The following RABGAP1 variants were observed in gnomAD, a reference collection of about 807,000 sequenced individuals.
The protein encoded by RABGAP1 is RAB GTPase activating protein 1, also known as rab GTPase-activating protein 1.
Under a neutral mutation model 137.6 loss-of-function variants are expected in RABGAP1, and 23 were observed. That is an observed-to-expected ratio of 0.17 (90% CI 0.12 to 0.24). The LOEUF (loss-of-function observed/expected upper bound fraction) is 0.24, where lower values mean the gene tolerates loss of function less well. Ranked by LOEUF, RABGAP1 falls within the 10% of genes least tolerant of loss-of-function variation. The pLI is 1.00. For missense variants in RABGAP1, 906 were observed against 1,275.8 expected (o/e 0.71, Z 4.42); for synonymous variants, 451 against 450.7 (o/e 1.00, Z -0.01).
chr9:123,096,305 A>AAG (rs1263193033), intron 21 of RABGAP1, among the ~76,000 whole-genome samples: 1 of 152,234 alleles, frequency 6.6e-6, no homozygotes, highest in East Asian at 1.9e-4. Flanking sequence ...ATAATGATAA[A>AAG]AGAGTCACTC....
At chr9:123,065,695 T>A (rs2034147097) in intron 14 of RABGAP1, 1 of 449,816 alleles carries the variant, frequency 2.2e-6, no homozygotes, top group Admixed American at 3.5e-5. Flanking sequence ...GATTTTTAGA[T>A]GACAGTTCCC....
intron 10 of RABGAP1, among the ~76,000 whole-genome samples, chr9:123,004,883 C>G (rs2030070964): frequency 6.6e-6 from 1 of 151,458 alleles, no homozygotes; most frequent in Non-Finnish European, 1.5e-5. Context: ...ATGGCGAAAC[C>G]CTGTCTCTAT....
intron 2 of RABGAP1, among the ~76,000 whole-genome samples, chr9:122,977,579 G>A (rs1438783835): frequency 6.6e-6 from 1 of 152,202 alleles, no homozygotes; most frequent in Non-Finnish European, 1.5e-5. Flanking sequence ...GATGGCGCAT[G>A]CCTGTAATCT....
chr9:123,012,967 A>G (rs547111434), intron 11 of RABGAP1, among the ~76,000 whole-genome samples: 49 of 152,180 alleles, frequency 3.2e-4, no homozygotes, highest in Non-Finnish European at 4.7e-4. Flanking sequence ...CCCATAAGAC[A>G]TTTGGCAGAA....
At chr9:123,044,923 A>G (rs1258078236) in intron 13 of RABGAP1, among the ~76,000 whole-genome samples, 1 of 152,182 alleles carries the variant, frequency 6.6e-6, no homozygotes, top group Non-Finnish European at 1.5e-5. Context: ...AAGGAACCCA[A>G]AGGATCAACA....
chr9:123,010,598 G>A, intron 11 of RABGAP1, 70 bp downstream of exon 11: 1 of 1,398,920 alleles, frequency 7.1e-7, no homozygotes, highest in Non-Finnish European at 9.9e-7. Flanking sequence ...AATCGTATCA[G>A]GGGATTGATA....
At chr9:122,981,674 G>T (rs1836063841) in intron 2 of RABGAP1, among the ~76,000 whole-genome samples, 2 of 152,180 alleles carry the variant, frequency 1.3e-5, no homozygotes, top group South Asian at 4.1e-4. Flanking sequence ...TCAGAACCTT[G>T]AAAGGCACTG....
rs1835809703 is a variant in RABGAP1, at chr9:122,977,249, G to A, written c.151-7236G>A. Among the ~76,000 whole-genome samples the A allele has an allele frequency of 2.0e-5, 3 of 152,184 alleles. No individual in the cohort carries two copies. In the South Asian group the frequency reaches 6.2e-4, roughly 31 times the overall value. On this transcript the variant is annotated intron_variant, in intron 2 of 25. Coordinates refer to ENST00000373647, the MANE Select transcript of RABGAP1 (RefSeq NM_012197.4). Reference sequence around the variant, plus strand: ...CAGTAGGCTTACGTAAAATGAAAGAGGTTGTCCTAAGGTATTAGCTATGCA... The same window carrying A: ...CAGTAGGCTTACGTAAAATGAAAGAAGTTGTCCTAAGGTATTAGCTATGCA...
At chr9:123,052,885 A>T (rs2033547538) in intron 13 of RABGAP1, among the ~76,000 whole-genome samples, 1 of 152,250 alleles carries the variant, frequency 6.6e-6, no homozygotes, top group African/African-American at 2.4e-5. Context: ...GGTTGCAGTG[A>T]GCCAAGATCA....
At chr9:123,012,568 G>A (rs1384917469) in intron 11 of RABGAP1, among the ~76,000 whole-genome samples, 1 of 152,176 alleles carries the variant, frequency 6.6e-6, no homozygotes, top group African/African-American at 2.4e-5. Context: ...ATTTTAGGGG[G>A]TTCAGAAGGC....
intron 16 of RABGAP1, 76 bp downstream of exon 16, chr9:123,073,753 AGG>A: frequency 6.3e-7 from 1 of 1,579,236 alleles, no homozygotes; most frequent in Non-Finnish European, 8.6e-7. Context: ...AAATGGTGCC[AGG>A]GAGCATTGGT....
At chr9:123,005,720 G>T (rs1440664033) in intron 10 of RABGAP1, among the ~76,000 whole-genome samples, 1 of 152,148 alleles carries the variant, frequency 6.6e-6, no homozygotes, top group Non-Finnish European at 1.5e-5. Flanking sequence ...GTTGCAGTGT[G>T]GAATCTTATG....
At chr9:123,001,877 C>T (rs1425816321) in intron 10 of RABGAP1, among the ~76,000 whole-genome samples, 2 of 152,032 alleles carry the variant, frequency 1.3e-5, no homozygotes, top group African/African-American at 4.8e-5. Context: ...TCTGGGACAC[C>T]AAATTAATAA....
At chr9:123,006,203 A>G (rs887760153) in intron 10 of RABGAP1, among the ~76,000 whole-genome samples, 21 of 152,148 alleles carry the variant, frequency 1.4e-4, no homozygotes, top group South Asian at 2.1e-4. Flanking sequence ...ATGTACTTGA[A>G]TATATCAGTA....
At chr9:123,011,910 G>A (rs2030842622) in intron 11 of RABGAP1, among the ~76,000 whole-genome samples, 2 of 152,314 alleles carry the variant, frequency 1.3e-5, no homozygotes, top group African/African-American at 4.8e-5. Flanking sequence ...AGCCAAGGCT[G>A]CGCCATTTGC....
chr9:122,988,804 A>C (rs1216438191), intron 4 of RABGAP1, among the ~76,000 whole-genome samples: 2 of 152,030 alleles, frequency 1.3e-5, no homozygotes. Flanking sequence ...TTAGCCGGGC[A>C]TGGTGGCACA....
chr9:122,965,695 T>C (rs1484557913), intron 2 of RABGAP1, among the ~76,000 whole-genome samples: 1 of 152,174 alleles, frequency 6.6e-6, no homozygotes, highest in Non-Finnish European at 1.5e-5. Context: ...GTGCCACTTT[T>C]TGAGGTAATG....
At chr9:123,022,797 T>A (rs950476392) in intron 13 of RABGAP1, among the ~76,000 whole-genome samples, 5 of 152,166 alleles carry the variant, frequency 3.3e-5, no homozygotes, top group Non-Finnish European at 7.4e-5. Flanking sequence ...TTTGTGAATT[T>A]AAAAAAATGT....
intron 12 of RABGAP1, among the ~76,000 whole-genome samples, 168 bp downstream of exon 12, chr9:123,015,804 T>A (rs993048700): frequency 6.6e-6 from 1 of 152,212 alleles, no homozygotes; most frequent in Non-Finnish European, 1.5e-5. Flanking sequence ...AGAATTGAAA[T>A]CAATTTTCAG....
Sources: allele counts gnomAD v4.1 joint callset (sites outside exome capture counted in the v4.1 genomes callset), GRCh38; gene constraint gnomAD v4.1.1; transcripts MANE v1.5; gene names NCBI Gene and HGNC (gene_info 2026-07-23, HGNC 2026-07-21).